The following SHC3 variants were observed in gnomAD, a reference collection of about 807,000 sequenced individuals.
SHC3 encodes the protein SHC-transforming protein 3.
SHC3 carries 15 observed loss-of-function variants against 60.4 expected under a neutral mutation model. The ratio of observed to expected loss-of-function variants is 0.25; its 90% confidence interval spans 0.17 to 0.38. SHC3 has a LOEUF of 0.38. Ranked by LOEUF, SHC3 falls within the 10% of genes least tolerant of loss-of-function variation. The pLI, the probability that SHC3 is intolerant of heterozygous loss-of-function variation, is 1.00. For synonymous variants in SHC3, 294 were observed against 325.9 expected (o/e 0.90, Z 1.05); for missense variants, 677 against 786.1 (o/e 0.86, Z 1.66).
chr9:89,131,564 T>C (rs2118168401), intron 1 of SHC3, among the ~76,000 whole-genome samples: 1 of 152,254 alleles, frequency 6.6e-6, no homozygotes, highest in South Asian at 2.1e-4. Flanking sequence ...TCCAACATGA[T>C]CAAGTTGGCT....
At chr9:89,032,578 G>T (rs1045377813) in intron 11 of SHC3, among the ~76,000 whole-genome samples, 5 of 152,170 alleles carry the variant, frequency 3.3e-5, no homozygotes, top group African/African-American at 1.2e-4. Flanking sequence ...CCATCTCTGA[G>T]GCTTCTCTTA....
At chr9:89,067,960 T>C (rs1825210364) in intron 5 of SHC3, among the ~76,000 whole-genome samples, 1 of 152,224 alleles carries the variant, frequency 6.6e-6, no homozygotes, top group East Asian at 1.9e-4. Context: ...GAATATATTT[T>C]TTTACGTTCT....
intron 2 of SHC3, among the ~76,000 whole-genome samples, chr9:89,101,586 T>C (rs1003852964): frequency 9.9e-5 from 15 of 151,872 alleles, no homozygotes; most frequent in African/African-American, 1.9e-4. Context: ...AAGGCTTTTC[T>C]GTATCTGTTG....
chr9:89,132,356 T>C (rs1321086429), intron 1 of SHC3, among the ~76,000 whole-genome samples: 3 of 152,184 alleles, frequency 2.0e-5, no homozygotes, highest in Non-Finnish European at 4.4e-5. Context: ...ATAGATTCAA[T>C]GCCATCCCCA....
chr9:89,077,013 C>G lies in SHC3; in HGVS notation c.609+827G>C, dbSNP rs564582277. On this transcript the variant is annotated intron_variant, in intron 3 of 11. Coordinates refer to ENST00000375835, the MANE Select transcript of SHC3 (RefSeq NM_016848.6). ...CCAATACAGTGAAACCCCATCTCTA[C>G]TAAAAATACAAAAATTAGCTGGGCA... is the stretch of plus-strand genomic sequence containing the variant. 8.6e-5 allele frequency among the ~76,000 whole-genome samples: 13 copies of G among 151,818 alleles called. 1 individual carries two copies. Among genetic ancestry groups the G allele is most frequent in the African/African-American group, 2.9e-4 (12 of 41,396 alleles).
chr9:89,063,615 T>C (rs192895939), intron 6 of SHC3, among the ~76,000 whole-genome samples: 342 of 152,270 alleles, frequency 2.2e-3, no homozygotes, highest in African/African-American at 7.7e-3. Flanking sequence ...CCTCTAGTCA[T>C]CCTTGCCAAG....
At chr9:89,163,878 T>C (rs1249637419) in intron 1 of SHC3, among the ~76,000 whole-genome samples, 1 of 151,558 alleles carries the variant, frequency 6.6e-6, no homozygotes, top group Non-Finnish European at 1.5e-5. Context: ...GCTCGCTCAC[T>C]GGTTGCAGAA....
At chr9:89,105,230 C>T (rs1373613797) in intron 2 of SHC3, among the ~76,000 whole-genome samples, 2 of 152,134 alleles carry the variant, frequency 1.3e-5, no homozygotes, top group Non-Finnish European at 2.9e-5. Context: ...GATGTGAGCC[C>T]CCTTACTCAA....
intron 1 of SHC3, among the ~76,000 whole-genome samples, chr9:89,167,464 T>C (rs1826806402): frequency 6.6e-6 from 1 of 152,114 alleles, no homozygotes; most frequent in African/African-American, 2.4e-5. Context: ...CCATCAGTCA[T>C]ATGGATGTGG....
intron 6 of SHC3, among the ~76,000 whole-genome samples, chr9:89,059,294 ATGGTGGAGGACGG>A (rs1407031894): frequency 2.5e-5 from 2 of 78,736 alleles, no homozygotes; most frequent in East Asian, 7.1e-4. Context: ...GGTGGAGGAC[ATGGTGGAGGACGG>A]TGGTGGAGGA....
At chr9:89,123,539 G>A (rs114616480) in intron 1 of SHC3, among the ~76,000 whole-genome samples, 212 of 152,246 alleles carry the variant, frequency 1.4e-3, no homozygotes, top group African/African-American at 4.9e-3. Flanking sequence ...CCATCCTCCT[G>A]GCTTCAGGAA....
chr9:89,021,722 G>A (rs1280381727), intron 11 of SHC3, among the ~76,000 whole-genome samples: 1 of 152,214 alleles, frequency 6.6e-6, no homozygotes, highest in Non-Finnish European at 1.5e-5. Context: ...AGAACACAGT[G>A]CTAGGAATCG....
rs112032268 is a variant in SHC3, at chr9:89,116,357, T to C, written c.475-3731A>G. ...GTCTGTGACCACCATCATGGTGTTA[T>C]GTGAATACAACCAACATCACAGAGT... On this transcript the variant is annotated intron_variant, in intron 1 of 11. Transcript: ENST00000375835. 7.3e-3 allele frequency among the ~76,000 whole-genome samples: 1,113 copies of C among 152,250 alleles called. 17 individuals are homozygous for C. Among genetic ancestry groups the C allele is most frequent in the African/African-American group, 0.025 (1,042 of 41,548 alleles).
intron 5 of SHC3, among the ~76,000 whole-genome samples, chr9:89,068,073 C>A (rs1825211989): frequency 6.6e-6 from 1 of 152,256 alleles, no homozygotes; most frequent in South Asian, 2.1e-4. Context: ...CAATATTGAT[C>A]CTTTTCTGGC....
chr9:89,163,488 G>C (rs1018904911), intron 1 of SHC3, among the ~76,000 whole-genome samples: 2 of 147,870 alleles, frequency 1.4e-5, no homozygotes, highest in African/African-American at 2.5e-5. Context: ...GTAAACTATC[G>C]CAAGAACAAA....
rs1467288954 is a variant in SHC3 at position 89,052,125 on chromosome 9, C to A, written c.874G>T (p.Asp292Tyr). The A allele has an allele frequency of 6.2e-7, 1 of 1,614,074 alleles. No homozygotes were observed. Among genetic ancestry groups the A allele is most frequent in the Non-Finnish European group, 8.5e-7 (1 of 1,179,972 alleles). Reference protein sequence around the residue: ...ILECCDGLAQDVIGSIGQAFE... With the variant: ...ILECCDGLAQYVIGSIGQAFE... ...GCTTGTCCGATGGAGCCGATGACAT[C>A]CTGGGCCAGCCCATCACAGCATTCC... The change falls in exon 7 of 12, where the codon GAT (aspartate) becomes TAT (tyrosine). Residue 292 changes from aspartate (D) to tyrosine (Y), a missense_variant. Asp to Tyr is a radical substitution (Grantham distance 160, BLOSUM62 -3). Coordinates refer to ENST00000375835, the MANE Select transcript of SHC3 (RefSeq NM_016848.6).
rs543766288 is a variant in SHC3, at chr9:89,056,649, C to T, written c.836-4486G>A. Reference sequence around the variant, plus strand: ...CAGCTGAGAACCCACTTTGCTTCGCCGCTCACCCCACATCCCAGCACATGG... The same window carrying T: ...CAGCTGAGAACCCACTTTGCTTCGCTGCTCACCCCACATCCCAGCACATGG... On this transcript the variant is annotated intron_variant, in intron 6 of 11. Coordinates refer to ENST00000375835, the MANE Select transcript of SHC3 (RefSeq NM_016848.6). Among the ~76,000 whole-genome samples, 107 of 152,372 alleles carry T rather than the reference C, an allele frequency of 7.0e-4. No homozygotes were observed. In the South Asian group the frequency reaches 7.5e-3, roughly 11 times the overall value.
chr9:89,097,260 G>A (rs1009832860), intron 2 of SHC3, among the ~76,000 whole-genome samples: 2 of 152,056 alleles, frequency 1.3e-5, no homozygotes, highest in Non-Finnish European at 2.9e-5. Flanking sequence ...ATTACACATT[G>A]GCCAATTTAA....
chr9:89,169,885 A>G (rs1475181674), intron 1 of SHC3, among the ~76,000 whole-genome samples: 1 of 152,224 alleles, frequency 6.6e-6, no homozygotes, highest in Non-Finnish European at 1.5e-5. Flanking sequence ...TTTACAAGGC[A>G]TGTTACAAGG....
Sources: allele counts gnomAD v4.1 joint callset (sites outside exome capture counted in the v4.1 genomes callset), GRCh38; gene constraint gnomAD v4.1.1; transcripts MANE v1.5; gene names NCBI Gene and HGNC (gene_info 2026-07-23, HGNC 2026-07-21).